Variants in ADAMTSL1 observed in about 807,000 individuals in gnomAD.
The protein encoded by ADAMTSL1 is ADAMTS like 1, also known as ADAMTS-like protein 1.
Under a neutral mutation model 201.8 loss-of-function variants are expected in ADAMTSL1, and 126 were observed. The observed-to-expected ratio is 0.62, with a 90% CI of 0.54 to 0.72. The LOEUF is 0.72. Among genes scored for constraint, ADAMTSL1 ranks in the 30% least tolerant of loss-of-function variants. ADAMTSL1 has a pLI of 0.00. For missense variants in ADAMTSL1, 2,679 were observed against 2,277.8 expected (o/e 1.18, Z -3.59); for synonymous variants, 1,121 against 903.4 (o/e 1.24, Z -4.32).
intron 1 of ADAMTSL1, among the ~76,000 whole-genome samples, chr9:17,937,951 G>T (rs1229622120): frequency 6.6e-6 from 1 of 152,150 alleles, no homozygotes; most frequent in South Asian, 2.1e-4. Flanking sequence ...AGGGGGGAAG[G>T]TGATGTGGAC....
chr9:18,717,873 T>A, intron 14 of ADAMTSL1: 1 of 824,716 alleles, frequency 1.2e-6, no homozygotes, highest in Non-Finnish European at 2.1e-6. Context: ...GGAAAGTCCA[T>A]TTAAGATGCT....
At chr9:18,525,652 C>T (rs1054082494) in intron 2 of ADAMTSL1, among the ~76,000 whole-genome samples, 3 of 152,116 alleles carry the variant, frequency 2.0e-5, no homozygotes, top group Non-Finnish European at 4.4e-5. Flanking sequence ...TGTCTTTGTT[C>T]TCACTGGTTT....
chr9:18,816,662 G>A (rs1823866228), intron 20 of ADAMTSL1, among the ~76,000 whole-genome samples: 1 of 141,220 alleles, frequency 7.1e-6, no homozygotes, highest in Non-Finnish European at 1.5e-5. Flanking sequence ...TGATTAGAAT[G>A]CATAAATCAT....
chr9:18,551,197 C>T (rs1820779730), intron 3 of ADAMTSL1, among the ~76,000 whole-genome samples: 1 of 151,826 alleles, frequency 6.6e-6, no homozygotes, highest in Non-Finnish European at 1.5e-5. Flanking sequence ...TGCTTCATAT[C>T]CTTGCCAGTG....
intron 2 of ADAMTSL1, among the ~76,000 whole-genome samples, chr9:18,382,826 A>G (rs1019298476): frequency 6.6e-6 from 1 of 152,212 alleles, no homozygotes; most frequent in African/African-American, 2.4e-5. Context: ...ATGATGAACA[A>G]TGCTCATTAT....
At chr9:18,150,672 G>T (rs1296549972) in intron 1 of ADAMTSL1, among the ~76,000 whole-genome samples, 1 of 151,928 alleles carries the variant, frequency 6.6e-6, no homozygotes, top group Non-Finnish European at 1.5e-5. Context: ...ATAGAGAAAA[G>T]AATCAATGGG....
intron 1 of ADAMTSL1, among the ~76,000 whole-genome samples, chr9:18,503,751 C>G (rs1189093845): frequency 6.6e-6 from 1 of 152,080 alleles, no homozygotes; most frequent in Non-Finnish European, 1.5e-5. Flanking sequence ...CTAAGTATAG[C>G]ATGTACCAGT....
intron 1 of ADAMTSL1, among the ~76,000 whole-genome samples, chr9:18,071,404 G>A (rs1358730740): frequency 9.2e-5 from 14 of 152,326 alleles, no homozygotes; most frequent in Admixed American, 9.2e-4. Flanking sequence ...TTCCTGCCTT[G>A]TATAAAAGGA....
At chr9:18,379,893 G>A (rs911988701) in intron 2 of ADAMTSL1, among the ~76,000 whole-genome samples, 3 of 152,020 alleles carry the variant, frequency 2.0e-5, no homozygotes, top group Admixed American at 6.6e-5. Flanking sequence ...TCCTCCCATC[G>A]GGGATTAAAG....
chr9:18,613,785 C>T (rs768934125), intron 4 of ADAMTSL1, among the ~76,000 whole-genome samples: 2 of 152,068 alleles, frequency 1.3e-5, no homozygotes, highest in Non-Finnish European at 2.9e-5. Flanking sequence ...GGGTACTAGG[C>T]TTAGTACCTG....
intron 2 of ADAMTSL1, among the ~76,000 whole-genome samples, chr9:18,176,707 C>T (rs1365611500): frequency 1.3e-5 from 2 of 152,124 alleles, no homozygotes; most frequent in Non-Finnish European, 2.9e-5. Flanking sequence ...AGTATAGGTA[C>T]TAACAGGGGA....
intron 1 of ADAMTSL1, 77 bp from the exon 2 acceptor site, chr9:18,504,752 G>A: frequency 6.2e-7 from 1 of 1,602,798 alleles, no homozygotes; most frequent in Admixed American, 1.7e-5. Context: ...CACACGTACA[G>A]GCCAGTCACA....
chr9:18,013,154 A>G (rs1478552594), intron 1 of ADAMTSL1, among the ~76,000 whole-genome samples: 1 of 152,048 alleles, frequency 6.6e-6, no homozygotes, highest in African/African-American at 2.4e-5. Context: ...TAACAATATA[A>G]TAGAGTAAAA....
At chr9:18,346,811 T>C (rs986582630) in intron 2 of ADAMTSL1, among the ~76,000 whole-genome samples, 1 of 152,274 alleles carries the variant, frequency 6.6e-6, no homozygotes. Flanking sequence ...TGTTTTTAAC[T>C]ACCACCACAC....
intron 1 of ADAMTSL1, among the ~76,000 whole-genome samples, chr9:18,016,368 A>G (rs914700015): frequency 2.6e-5 from 4 of 152,008 alleles, no homozygotes; most frequent in Non-Finnish European, 4.4e-5. Flanking sequence ...GTAAACATAG[A>G]TAATTCTTGT....
chr9:18,435,552 A>G (rs1819691391), intron 2 of ADAMTSL1, among the ~76,000 whole-genome samples: 1 of 152,196 alleles, frequency 6.6e-6, no homozygotes. Flanking sequence ...TAGCTAGGAG[A>G]CTTGAAGTCC....
rs79650828 is a variant in ADAMTSL1, at chr9:18,329,940, T to C, written c.207+165959T>C. 3.7e-3 allele frequency among the ~76,000 whole-genome samples: 571 copies of C among 152,310 alleles called. 4 individuals are homozygous for C. The highest frequency in any genetic ancestry group is 0.013 in the African/African-American group (525 of 41,556). On this transcript the variant is annotated intron_variant, in intron 2 of 29. Coordinates refer to the ADAMTSL1 transcript ENST00000680146. Reference sequence around the variant, plus strand: ...GTTTAGTGGTGTCAGTATATAAACATGTGTCTTAGTGATTATCTGTATATG... The same window carrying C: ...GTTTAGTGGTGTCAGTATATAAACACGTGTCTTAGTGATTATCTGTATATG...
intron 1 of ADAMTSL1, among the ~76,000 whole-genome samples, chr9:18,104,907 G>A (rs1824691064): frequency 6.6e-6 from 1 of 152,012 alleles, no homozygotes; most frequent in Non-Finnish European, 1.5e-5. Flanking sequence ...TTCAAACTAA[G>A]GGTGGACTGG....
chr9:18,744,283 C>T (rs1819007878), intron 15 of ADAMTSL1, among the ~76,000 whole-genome samples: 1 of 152,240 alleles, frequency 6.6e-6, no homozygotes, highest in Admixed American at 6.5e-5. Flanking sequence ...GGGCTTTTGT[C>T]TGCTTTCTCC....
Sources: allele counts gnomAD v4.1 joint callset (sites outside exome capture counted in the v4.1 genomes callset), GRCh38; gene constraint gnomAD v4.1.1; transcripts MANE v1.5; gene names NCBI Gene and HGNC (gene_info 2026-07-23, HGNC 2026-07-21).